Variants in DNAH10 observed in about 807,000 individuals in gnomAD.
The protein encoded by DNAH10 is axonemal beta dynein heavy chain 10.
In DNAH10, 348 loss-of-function variants were observed where a neutral mutation model predicts 506.6. The ratio of observed to expected loss-of-function variants is 0.69; its 90% CI spans 0.63 to 0.75. DNAH10 has a LOEUF of 0.75. Among genes scored for constraint, DNAH10 ranks in the 30% least tolerant of loss-of-function variants. The probability of loss-of-function intolerance (pLI) is 0.00; values close to 1 mark genes in which losing one functional copy is unlikely to be tolerated. For missense variants in DNAH10, 5,179 were observed against 5,787.1 expected, an observed-to-expected ratio of 0.89 and a Z score of 3.41; for synonymous variants, 2,059 against 2,198.6, an observed-to-expected ratio of 0.94 and a Z score of 1.78.
chr12:123,860,747 G>A (rs1041959069), intron 38 of DNAH10, among the ~76,000 whole-genome samples: 19 of 152,166 alleles, frequency 1.2e-4, no homozygotes, highest in African/African-American at 4.3e-4. Context: ...ATGAAAGTTA[G>A]CTTCTTGGTG....
intron 1 of DNAH10, among the ~76,000 whole-genome samples, chr12:123,763,072 T>A (rs565865107): frequency 6.1e-4 from 93 of 152,328 alleles, no homozygotes; most frequent in African/African-American, 1.9e-3. Flanking sequence ...CACCCCTTTC[T>A]ACTTCTGGAG....
intron 21 of DNAH10, among the ~76,000 whole-genome samples, 177 bp from the exon 22 acceptor site, chr12:123,818,773 A>G (rs1959188591): frequency 6.6e-6 from 1 of 152,100 alleles, no homozygotes; most frequent in African/African-American, 2.4e-5. Context: ...TGAGCCATGT[A>G]ATCCCAGTCT....
chr12:123,833,800 G>T (rs916155369), intron 27 of DNAH10, among the ~76,000 whole-genome samples: 1 of 151,994 alleles, frequency 6.6e-6, no homozygotes, highest in Admixed American at 6.5e-5. Context: ...CATCTCACAT[G>T]TAGTTTTTTT....
chr12:123,870,498 C>A lies in DNAH10; in HGVS notation c.7639+13C>A, dbSNP rs1951985869. 1.9e-6 allele frequency: 3 copies of A among 1,611,558 alleles called. No individual in the cohort carries two copies. Among genetic ancestry groups the A allele is most frequent in the South Asian group, 1.1e-5 (1 of 90,520 alleles). On this transcript the variant is annotated intron_variant, in intron 44 of 78. Transcript: ENST00000673944. Reference sequence around the variant, plus strand: ...ATCAACATCCTGGGTAAGTCAGAGTCAAATCCTTGTTCCTGGGTTTAGGAG... The same window carrying A: ...ATCAACATCCTGGGTAAGTCAGAGTAAAATCCTTGTTCCTGGGTTTAGGAG...
chr12:123,814,809 G>A (rs1959085829), intron 21 of DNAH10, among the ~76,000 whole-genome samples: 1 of 151,980 alleles, frequency 6.6e-6, no homozygotes, highest in Non-Finnish European at 1.5e-5. Flanking sequence ...AGTAGAGACA[G>A]GGTTTTACTA....
chr12:123,898,854 C>T (rs1446528740), intron 56 of DNAH10, 40 bp downstream of exon 56: 1 of 1,554,260 alleles, frequency 6.4e-7, no homozygotes. Flanking sequence ...TCCCCAACAC[C>T]CAATACCCAC....
rs911854829 is a variant in DNAH10 at position 123,871,504 on chromosome 12, G to A, written c.7687G>A (p.Val2563Ile). Residue 2563 changes from valine (V) to isoleucine (I), a missense_variant, in exon 45 of 79, where the codon GTT becomes ATT. Val to Ile is a conservative substitution (Grantham distance 29). Coordinates refer to ENST00000673944, the MANE Select transcript of DNAH10 (RefSeq NM_001372106.1). The stretch of plus-strand genomic sequence containing the variant: ...GACTACCTGGATATTGGAACAAATG[G>A]TTAAAATTAAGCAACCTGTTATTTT... The part of the protein sequence containing the change: ...TRTTWILEQM[V>I]KIKQPVIFVG... The A allele has an allele frequency of 1.9e-6, 3 of 1,569,364 alleles. No homozygotes were observed. The highest frequency in any genetic ancestry group is 1.9e-5 in the Admixed American group (1 of 53,840).
chr12:123,767,744 C>T (rs1361827898), intron 2 of DNAH10, 55 bp downstream of exon 2: 6 of 1,491,546 alleles, frequency 4.0e-6, no homozygotes, highest in East Asian at 2.4e-5. Context: ...CCCCCCGCAG[C>T]GGGAGTAGGG....
At chr12:123,843,857 C>T (rs368903952) in intron 30 of DNAH10, among the ~76,000 whole-genome samples, 86 of 152,348 alleles carry the variant, frequency 5.6e-4, no homozygotes, top group African/African-American at 1.3e-3. Flanking sequence ...GGATTACAGG[C>T]GTGAGCCAAA....
chr12:123,933,333 G>T lies in DNAH10; in HGVS notation c.13299G>T (p.Val4433=). 6.4e-7 allele frequency: 1 copy of T among 1,560,924 alleles called. No individual in the cohort carries two copies. Among genetic ancestry groups the T allele is most frequent in the Non-Finnish European group, 8.7e-7 (1 of 1,150,910 alleles). ...LRRFSQYMLW[V]TESEPSVMWL... Reference sequence around the variant, plus strand: ...CACTTGTCCTCTCTTCTCTCCAGGTGACCGAGAGCGAGCCCAGCGTGATGT... The same window carrying T: ...CACTTGTCCTCTCTTCTCTCCAGGTTACCGAGAGCGAGCCCAGCGTGATGT... Residue 4433 remains valine, a splice_region_variant and synonymous_variant, in exon 77 of 79, where the codon GTG becomes GTT. Transcript: ENST00000673944.
chr12:123,820,482 A>T (rs1379513597), intron 23 of DNAH10, 98 bp from the exon 24 acceptor site: 8 of 1,267,798 alleles, frequency 6.3e-6, no homozygotes, highest in Non-Finnish European at 7.6e-6. Flanking sequence ...GTTTATGAGG[A>T]TGAAATTATA....
intron 25 of DNAH10, among the ~76,000 whole-genome samples, chr12:123,830,090 C>G (rs1424441670): frequency 6.6e-6 from 1 of 152,174 alleles, no homozygotes; most frequent in Non-Finnish European, 1.5e-5. Flanking sequence ...GGCAGGTTCT[C>G]TGAAGCTAGG....
rs1430091962 is a variant in DNAH10, at chr12:123,917,214, G to A, written c.11003-370G>A. Among the ~76,000 whole-genome samples the A allele has an allele frequency of 1.3e-5, 2 of 152,048 alleles. No individual in the cohort carries two copies. Among genetic ancestry groups the A allele is most frequent in the Non-Finnish European group, 2.9e-5 (2 of 68,012 alleles). On this transcript the variant is annotated intron_variant, in intron 63 of 78. Transcript: ENST00000673944. The surrounding 1 kb of genome is among the most constrained non-coding windows in gnomAD (Gnocchi z 5.6). ...TTTTGTACAGATGGGGTTTGTCTGT[G>A]TTGTCTGGGCTCAAACTTCTGGGCT...
Position 123,833,167 on chromosome 12 carries a change from G to C in DNAH10, c.4599G>C (p.Lys1533Asn). Residue 1533 changes from lysine (K) to asparagine (N), a missense_variant, in exon 27 of 79, where the codon AAG becomes AAC. Lys to Asn is a moderately conservative substitution (Grantham distance 94). This residue lies in a region of DNAH10 where 4,844 missense variants were observed against 5,430.5 expected (regional missense o/e 0.89). Coordinates refer to ENST00000673944, the MANE Select transcript of DNAH10 (RefSeq NM_001372106.1). Reference sequence around the variant, plus strand: ...AAAATATGAAATTCACTGTAGTCAAGTATTGCAAAGGCACACAGGAGCGAG... The same window carrying C: ...AAAATATGAAATTCACTGTAGTCAACTATTGCAAAGGCACACAGGAGCGAG... ...TWENMKFTVV[K>N]YCKGTQERGY... 6.2e-7 allele frequency: 1 copy of C among 1,613,860 alleles called. No homozygotes were observed. The highest frequency in any genetic ancestry group is 8.5e-7 in the Non-Finnish European group (1 of 1,179,846).
intron 8 of DNAH10, 106 bp downstream of exon 8, chr12:123,784,283 A>G (rs1957771099): frequency 1.9e-5 from 22 of 1,138,168 alleles, no homozygotes; most frequent in Non-Finnish European, 2.7e-5. Context: ...GCAGTGGCTC[A>G]TGCCTGTAAT....
chr12:123,829,731 C>T (rs754238007), intron 25 of DNAH10, among the ~76,000 whole-genome samples: 5 of 150,700 alleles, frequency 3.3e-5, no homozygotes, highest in Non-Finnish European at 5.9e-5. Context: ...TGTGTGTTTA[C>T]AACACTCAGT....
chr12:123,764,573 G>T (rs919100021), intron 1 of DNAH10, among the ~76,000 whole-genome samples: 15 of 152,150 alleles, frequency 9.9e-5, no homozygotes, highest in African/African-American at 3.6e-4. Flanking sequence ...TCTGTTAACG[G>T]TGGGGTGGCT....
At chr12:123,890,784 G>A (rs1952948250) in intron 52 of DNAH10, among the ~76,000 whole-genome samples, 1 of 152,136 alleles carries the variant, frequency 6.6e-6, no homozygotes, top group African/African-American at 2.4e-5. Context: ...AGAGCCAACG[G>A]GACTTCGATC....
intron 62 of DNAH10, among the ~76,000 whole-genome samples, 184 bp downstream of exon 62, chr12:123,915,183 G>A (rs915270493): frequency 2.6e-5 from 4 of 151,424 alleles, no homozygotes; most frequent in Non-Finnish European, 5.9e-5. Flanking sequence ...GGGTCTGCCA[G>A]GGCAGCTCAA....
Sources: gnomAD v4.1 joint callset for allele counts (sites outside exome capture counted in the v4.1 genomes callset) on GRCh38, gnomAD v4.1.1 for gene constraint, gnomAD v4.1.1 regional missense constraint, Gnocchi (gnomAD v3.1) non-coding constraint, MANE v1.5 for transcripts, NCBI Gene and HGNC (gene_info 2026-07-23, HGNC 2026-07-21) for gene names.